The following SUGCT variants were observed in gnomAD, a reference collection of about 807,000 sequenced individuals.
The protein encoded by SUGCT is succinyl-CoA:glutarate-CoA transferase.
In SUGCT, 41 loss-of-function variants were observed where a neutral mutation model predicts 55.0. The observed-to-expected ratio is 0.74, with a 90% CI of 0.58 to 0.97. The LOEUF (loss-of-function observed/expected upper bound fraction) is 0.97. Among genes scored for constraint, SUGCT ranks in the 50% least tolerant of loss-of-function variants. SUGCT has a pLI of 0.00. For synonymous variants in SUGCT, 187 were observed against 200.4 expected (o/e 0.93, Z 0.56); for missense variants, 568 against 547.8 (o/e 1.04, Z -0.37).
At chr7:40,674,648 A>C (rs1802102176) in intron 12 of SUGCT, among the ~76,000 whole-genome samples, 1 of 152,212 alleles carries the variant, frequency 6.6e-6, no homozygotes, top group Non-Finnish European at 1.5e-5. Context: ...AAATAAATAA[A>C]AATAAATTGG....
the SUGCT span, among the ~76,000 whole-genome samples, chr7:40,909,204 C>T: frequency 6.6e-6 from 1 of 152,240 alleles, no homozygotes; most frequent in East Asian, 1.9e-4. Context: ...AGTTCCTTCT[C>T]GGGTCACCTG....
chr7:40,311,326 C>T (rs1017987250), intron 8 of SUGCT, among the ~76,000 whole-genome samples: 1 of 152,158 alleles, frequency 6.6e-6, no homozygotes, highest in African/African-American at 2.4e-5. Context: ...TAACAGTCCC[C>T]TTTCTCTCTT....
the SUGCT span, among the ~76,000 whole-genome samples, chr7:40,904,055 C>G: frequency 6.6e-6 from 1 of 152,250 alleles, no homozygotes; most frequent in African/African-American, 2.4e-5. Context: ...CTCAGCCTCT[C>G]TGGCAGGGTT....
intron 13 of SUGCT, among the ~76,000 whole-genome samples, chr7:40,764,156 T>C (rs1788665488): frequency 6.6e-6 from 1 of 152,202 alleles, no homozygotes; most frequent in Admixed American, 6.5e-5. Flanking sequence ...CACTTAAGTA[T>C]ACTTTTTATT....
intron 9 of SUGCT, among the ~76,000 whole-genome samples, 178 bp downstream of exon 9, chr7:40,317,033 C>T (rs948965546): frequency 2.6e-5 from 3 of 116,740 alleles, no homozygotes; most frequent in South Asian, 2.8e-4. Context: ...TTCTGTTTTG[C>T]GTATTTCTTC....
intron 6 of SUGCT, among the ~76,000 whole-genome samples, chr7:40,232,900 A>G (rs1197648050): frequency 1.3e-5 from 2 of 152,190 alleles, no homozygotes; most frequent in African/African-American, 4.8e-5. Flanking sequence ...TTTCCTCTTT[A>G]ATTTAGATTT....
intron 13 of SUGCT, among the ~76,000 whole-genome samples, chr7:40,857,360 G>C (rs140537347): frequency 5.3e-5 from 8 of 152,170 alleles, no homozygotes; most frequent in Non-Finnish European, 1.0e-4. Context: ...TGGCTCATGG[G>C]AATTTAGCTT....
chr7:40,277,882 C>T (rs1792642552), intron 8 of SUGCT, among the ~76,000 whole-genome samples: 1 of 151,980 alleles, frequency 6.6e-6, no homozygotes, highest in African/African-American at 2.4e-5. Context: ...TGTTCCCCTT[C>T]CTGTCTCCAT....
At chr7:41,033,914 T>C in the SUGCT span, among the ~76,000 whole-genome samples, 1 of 151,528 alleles carries the variant, frequency 6.6e-6, no homozygotes, top group African/African-American at 2.4e-5. Flanking sequence ...GCCAAGTAGG[T>C]GAGGGATATG....
At chr7:40,210,482 GTA>G (rs757438142) in intron 6 of SUGCT, among the ~76,000 whole-genome samples, 13 of 149,442 alleles carry the variant, frequency 8.7e-5, no homozygotes, top group African/African-American at 7.4e-5. Flanking sequence ...ATATATATGT[GTA>G]TATATATATA....
chr7:40,718,959 A>G (rs1388198265), intron 12 of SUGCT, among the ~76,000 whole-genome samples: 1 of 152,244 alleles, frequency 6.6e-6, no homozygotes, highest in African/African-American at 2.4e-5. Context: ...ATGGTTCCCT[A>G]AGGAATTAAG....
intron 12 of SUGCT, among the ~76,000 whole-genome samples, chr7:40,521,838 A>G (rs1793549099): frequency 6.6e-6 from 1 of 152,114 alleles, no homozygotes; most frequent in African/African-American, 2.4e-5. Context: ...TAATAGTTGC[A>G]TCTTTGTTAA....
At chr7:40,750,526 A>C (rs1342633744) in intron 13 of SUGCT, among the ~76,000 whole-genome samples, 2 of 152,192 alleles carry the variant, frequency 1.3e-5, no homozygotes, top group African/African-American at 2.4e-5. Context: ...TTCTACAGGC[A>C]TCTGATCTCA....
At chr7:40,832,033 A>G (rs1792696746) in intron 13 of SUGCT, among the ~76,000 whole-genome samples, 1 of 152,168 alleles carries the variant, frequency 6.6e-6, no homozygotes, top group African/African-American at 2.4e-5. Context: ...GTGGTACAGT[A>G]ACTTAAGTGT....
chr7:40,559,503 C>T (rs1795730927), intron 12 of SUGCT, among the ~76,000 whole-genome samples: 1 of 152,192 alleles, frequency 6.6e-6, no homozygotes, highest in Non-Finnish European at 1.5e-5. Flanking sequence ...CATAGCCTCA[C>T]ATTTCCCTCA....
chr7:40,485,417 CTTTTT>C (rs397889166), intron 11 of SUGCT, among the ~76,000 whole-genome samples: 3 of 74,418 alleles, frequency 4.0e-5, no homozygotes, highest in African/African-American at 1.0e-4. Context: ...TATATACATT[CTTTTT>C]TTTTTTTTTT....
intron 12 of SUGCT, among the ~76,000 whole-genome samples, chr7:40,675,289 C>T (rs1465098108): frequency 6.6e-5 from 10 of 152,146 alleles, no homozygotes; most frequent in Non-Finnish European, 1.5e-4. Context: ...AAACTCCTGA[C>T]CTCAGGTGAT....
At chr7:40,548,790 A>G (rs1173983566) in intron 12 of SUGCT, among the ~76,000 whole-genome samples, 1 of 152,184 alleles carries the variant, frequency 6.6e-6, no homozygotes, top group East Asian at 1.9e-4. Flanking sequence ...GTGTATTATC[A>G]TACAAAATAG....
At chr7:40,467,074 C>T (rs1790152848) in intron 11 of SUGCT, among the ~76,000 whole-genome samples, 3 of 151,888 alleles carry the variant, frequency 2.0e-5, no homozygotes, top group Admixed American at 2.0e-4. Flanking sequence ...TGGTGGTGCA[C>T]GCCTGTAGTC....
Sources: allele counts gnomAD v4.1 joint callset (sites outside exome capture counted in the v4.1 genomes callset), GRCh38; gene constraint gnomAD v4.1.1; transcripts MANE v1.5; gene names NCBI Gene and HGNC (gene_info 2026-07-23, HGNC 2026-07-21).